The following TBX20 variants were observed in gnomAD, a reference collection of about 807,000 sequenced individuals.
The protein encoded by TBX20 is T-box transcription factor 20.
In TBX20, 8 loss-of-function variants were observed where a neutral mutation model predicts 42.9. The ratio of observed to expected loss-of-function variants is 0.19; its 90% confidence interval spans 0.11 to 0.34. TBX20 has a LOEUF of 0.34. Ranked by LOEUF, TBX20 falls within the 10% of genes least tolerant of loss-of-function variation. TBX20 has a pLI of 1.00. For synonymous variants in TBX20, 198 were observed against 222.8 expected (o/e 0.89, Z 0.99); for missense variants, 411 against 566.0 (o/e 0.73, Z 2.78).
chr7:35,253,072 C>A lies in TBX20; in HGVS notation c.127+422G>T, dbSNP rs573135659. Among the ~76,000 whole-genome samples the A allele has an allele frequency of 2.6e-5, 4 of 152,196 alleles. No individual in the cohort carries two copies. In the East Asian group the frequency reaches 7.7e-4, roughly 29 times the overall value. On this transcript the variant is annotated intron_variant, in intron 1 of 7. Coordinates refer to ENST00000408931, the MANE Select transcript of TBX20 (RefSeq NM_001077653.2). Reference sequence around the variant, plus strand: ...CTTGCTCTGTTTTGTCTATTCAAGTCAGAGGAAAACCAAAATTAAACTGGT... The same window carrying A: ...CTTGCTCTGTTTTGTCTATTCAAGTAAGAGGAAAACCAAAATTAAACTGGT...
rs3219698 is a variant in TBX20 at position 35,245,319 on chromosome 7, G to GTGTGTGT, written c.546-263_546-262insACACACA. Among the ~76,000 whole-genome samples the GTGTGTGT allele has an allele frequency of 3.8e-4, 55 of 146,398 alleles. 2 individuals carry two copies. The highest frequency in any genetic ancestry group is 5.1e-5 in the African/African-American group (2 of 39,464). ...AGCTGAGCAAGGCATTGTTTAAAGGGGTGTGTGTGTGTGTGTGTGTGTGTG... is the reference window on the plus strand; with the variant it reads ...AGCTGAGCAAGGCATTGTTTAAAGGGTGTGTGTGTGTGTGTGTGTGTGTGTGTGTGTG... On this transcript the variant is annotated intron_variant, in intron 3 of 7. Transcript: ENST00000408931.
intron 5 of TBX20, among the ~76,000 whole-genome samples, chr7:35,238,439 T>A (rs1790009556): frequency 6.6e-6 from 1 of 152,212 alleles, no homozygotes; most frequent in African/African-American, 2.4e-5. Context: ...AGAATTATGA[T>A]AAAAGCAATG....
In TBX20 at chr7:35,214,405, C is replaced by T. The variant is rs774353273; in HGVS notation, c.891-9823G>A. ...AAAAGTGTAACCTATTTTTAAATAT[C>T]CCTTGAACAGACTTATTGAATCCCA... On this transcript the variant is annotated intron_variant, in intron 6 of 7. Coordinates refer to ENST00000408931, the MANE Select transcript of TBX20 (RefSeq NM_001077653.2). 8.1e-4 allele frequency among the ~76,000 whole-genome samples: 124 copies of T among 152,192 alleles called. 1 individual carries two copies. The highest frequency in any genetic ancestry group is 9.3e-4 in the Non-Finnish European group (63 of 67,986).
intron 4 of TBX20, among the ~76,000 whole-genome samples, chr7:35,244,504 C>T (rs1160887474): frequency 2.0e-5 from 3 of 152,218 alleles, no homozygotes; most frequent in Non-Finnish European, 4.4e-5. Flanking sequence ...TTTCATCTCA[C>T]ATACATATGT....
intron 5 of TBX20, among the ~76,000 whole-genome samples, chr7:35,240,181 T>C (rs557162932): frequency 6.6e-6 from 1 of 152,328 alleles, no homozygotes; most frequent in South Asian, 2.1e-4. Context: ...AATTTTGCAT[T>C]ATGCTTACAG....
At chr7:35,244,079 T>C (rs1790134508) in intron 4 of TBX20, among the ~76,000 whole-genome samples, 1 of 152,222 alleles carries the variant, frequency 6.6e-6, no homozygotes, top group African/African-American at 2.4e-5. Context: ...ATGTACCCCA[T>C]AAATATGTAC....
At chr7:35,221,125 T>A (rs1789675023) in intron 6 of TBX20, among the ~76,000 whole-genome samples, 1 of 152,008 alleles carries the variant, frequency 6.6e-6, no homozygotes, top group African/African-American at 2.4e-5. Context: ...AACATATGTT[T>A]ACATTAACTT....
chr7:35,213,050 C>A (rs1334377162), intron 6 of TBX20, among the ~76,000 whole-genome samples: 1 of 152,184 alleles, frequency 6.6e-6, no homozygotes, highest in Non-Finnish European at 1.5e-5. Flanking sequence ...TATTCTCCCC[C>A]ACTGCCATGG....
intron 6 of TBX20, among the ~76,000 whole-genome samples, chr7:35,215,717 A>G (rs1362410519): frequency 6.6e-6 from 1 of 152,162 alleles, no homozygotes; most frequent in East Asian, 1.9e-4. Flanking sequence ...TCTTTAAAAC[A>G]TCTCCTCTGA....
At chr7:35,250,701 C>A (rs1200833174) in intron 1 of TBX20, among the ~76,000 whole-genome samples, 2 of 151,996 alleles carry the variant, frequency 1.3e-5, no homozygotes, top group Non-Finnish European at 2.9e-5. Flanking sequence ...AGCCCTCTCT[C>A]CATAAGAGAA....
At chr7:35,231,607 T>C (rs1399777347) in intron 5 of TBX20, 27 bp from the exon 6 acceptor site, 1 of 1,460,888 alleles carries the variant, frequency 6.8e-7, no homozygotes, top group Non-Finnish European at 9.6e-7. Context: ...TACAAAACAG[T>C]ATCATTTATG....
At chr7:35,251,578 G>T (rs1250970703) in intron 1 of TBX20, among the ~76,000 whole-genome samples, 1 of 152,156 alleles carries the variant, frequency 6.6e-6, no homozygotes. Flanking sequence ...TAGTGTTAAT[G>T]ACTTTTTTTT....
At chr7:35,252,003 A>C (rs1427800720) in intron 1 of TBX20, among the ~76,000 whole-genome samples, 4 of 152,156 alleles carry the variant, frequency 2.6e-5, no homozygotes, top group Non-Finnish European at 4.4e-5. Context: ...TGAGCTGGGC[A>C]TGGCTTTAAA....
At chr7:35,227,438 AT>A (rs962322660) in intron 6 of TBX20, among the ~76,000 whole-genome samples, 1 of 151,922 alleles carries the variant, frequency 6.6e-6, no homozygotes, top group East Asian at 1.9e-4. Flanking sequence ...CAGGTGTACC[AT>A]TTTTTTTGTT....
intron 6 of TBX20, among the ~76,000 whole-genome samples, chr7:35,230,781 C>T (rs925309203): frequency 6.6e-6 from 1 of 152,082 alleles, no homozygotes; most frequent in South Asian, 2.1e-4. Context: ...CATTGGACCA[C>T]ATAAAAGAAT....
intron 6 of TBX20, among the ~76,000 whole-genome samples, chr7:35,220,568 G>T (rs963663906): frequency 1.6e-4 from 24 of 152,184 alleles, no homozygotes; most frequent in African/African-American, 3.9e-4. Context: ...TTCCACATTG[G>T]TAAAATGGCA....
intron 6 of TBX20, among the ~76,000 whole-genome samples, chr7:35,229,454 C>G (rs1430359154): frequency 6.6e-6 from 1 of 152,124 alleles, no homozygotes; most frequent in Non-Finnish European, 1.5e-5. Context: ...AATCCAAAAC[C>G]TCGGCCAATT....
chr7:35,214,587 C>T (rs1294600642), intron 6 of TBX20, among the ~76,000 whole-genome samples: 1 of 152,078 alleles, frequency 6.6e-6, no homozygotes, highest in East Asian at 1.9e-4. Flanking sequence ...TATACAAACA[C>T]CTGATAATGT....
intron 5 of TBX20, among the ~76,000 whole-genome samples, chr7:35,240,306 G>A (rs1790049991): frequency 6.6e-6 from 1 of 152,006 alleles, no homozygotes; most frequent in Non-Finnish European, 1.5e-5. Flanking sequence ...CAGATTTTGG[G>A]TTTTTGGATT....
Sources: gnomAD v4.1 joint callset for allele counts (sites outside exome capture counted in the v4.1 genomes callset) on GRCh38, gnomAD v4.1.1 for gene constraint, MANE v1.5 for transcripts, NCBI Gene and HGNC (gene_info 2026-07-23, HGNC 2026-07-21) for gene names.